PTPRN2: variants seen among roughly 807,000 people sequenced by gnomAD.
PTPRN2 encodes protein tyrosine phosphatase receptor type N2.
A neutral mutation model predicts 118.8 loss-of-function variants in PTPRN2; 74 were observed. The observed-to-expected ratio is 0.62, with a 90% CI of 0.52 to 0.76. The LOEUF (loss-of-function observed/expected upper bound fraction) is 0.76, where lower values mean the gene tolerates loss of function less well. PTPRN2 is among the 30% of genes least tolerant of loss of function. PTPRN2 has a pLI of 0.00. For synonymous variants in PTPRN2, 641 were observed against 608.0 expected, an observed-to-expected ratio of 1.05 and a Z score of -0.80; for missense variants, 1,481 against 1,394.4, an observed-to-expected ratio of 1.06 and a Z score of -0.99.
intron 12 of PTPRN2, among the ~76,000 whole-genome samples, chr7:157,766,805 G>A (rs1035726830): frequency 2.0e-5 from 3 of 152,202 alleles, no homozygotes; most frequent in Non-Finnish European, 4.4e-5. Context: ...TTTGCAGGTG[G>A]CTCTCGAAAC....
intron 14 of PTPRN2, among the ~76,000 whole-genome samples, chr7:157,623,094 A>T (rs1803365656): frequency 6.6e-6 from 1 of 152,252 alleles, no homozygotes; most frequent in African/African-American, 2.4e-5. Flanking sequence ...CAAATGGCTC[A>T]ATCTAGGAAA....
At chr7:158,328,140 C>G (rs1019603199) in intron 2 of PTPRN2, among the ~76,000 whole-genome samples, 3 of 152,156 alleles carry the variant, frequency 2.0e-5, no homozygotes, top group Non-Finnish European at 2.9e-5. Flanking sequence ...TAAAAGTGCT[C>G]CCATTCTCAG....
At chr7:157,655,533 T>C (rs1806013127) in intron 14 of PTPRN2, among the ~76,000 whole-genome samples, 1 of 152,168 alleles carries the variant, frequency 6.6e-6, no homozygotes, top group Non-Finnish European at 1.5e-5. Flanking sequence ...TCCTGCAACC[T>C]GGGAACTTAA....
chr7:158,309,656 C>T (rs1801552914), intron 3 of PTPRN2, among the ~76,000 whole-genome samples: 1 of 152,080 alleles, frequency 6.6e-6, no homozygotes, highest in African/African-American at 2.4e-5. Context: ...CTCAACGAAA[C>T]ACTAAGATAC....
In PTPRN2 at chr7:158,110,924, G is replaced by A. The variant is rs771589012; in HGVS notation, c.1557-9C>T. ...CCTCGGGGCGCAGGGGGCTGCGGAT[G>A]ACAGCAGGGATGGGGAGCAGTCACC... On this transcript the variant is annotated splice_polypyrimidine_tract_variant and intron_variant, in intron 9 of 22. Coordinates refer to ENST00000389418, the MANE Select transcript of PTPRN2 (RefSeq NM_002847.5). The A allele has an allele frequency of 3.2e-6, 5 of 1,551,712 alleles. No individual in the cohort carries two copies. In the South Asian group the frequency reaches 5.9e-5, roughly 18 times the overall value.
intron 11 of PTPRN2, among the ~76,000 whole-genome samples, chr7:158,008,521 T>G (rs1805824413): frequency 6.6e-6 from 1 of 152,234 alleles, no homozygotes; most frequent in African/African-American, 2.4e-5. Context: ...TTTCTCACTA[T>G]CAAAGAGCAG....
chr7:157,827,638 C>T (rs1807272110), intron 12 of PTPRN2, among the ~76,000 whole-genome samples: 1 of 152,252 alleles, frequency 6.6e-6, no homozygotes, highest in African/African-American at 2.4e-5. Flanking sequence ...AAGGACCCCT[C>T]CGGCATTTGG....
At chr7:157,649,959 T>C (rs1037270787) in intron 14 of PTPRN2, among the ~76,000 whole-genome samples, 218 of 73,332 alleles carry the variant, frequency 3.0e-3, no homozygotes, top group Middle Eastern at 0.012. Context: ...CTCGGTGGGT[T>C]GGACCCATCC....
rs368882143 is a variant in PTPRN2 at position 158,514,172 on chromosome 7, C to T, written c.113-24387G>A. 3.3e-5 allele frequency among the ~76,000 whole-genome samples: 5 copies of T among 152,204 alleles called. No individual in the cohort carries two copies. In the East Asian group the frequency reaches 9.6e-4, roughly 29 times the overall value. On this transcript the variant is annotated intron_variant, in intron 1 of 22. Transcript: ENST00000389418. ...GATTATTCAGGGGGCCCTAATCTTTCTCTTCTGTCTGCTGAGGATGGTCTT... is the reference window on the plus strand; with the variant it reads ...GATTATTCAGGGGGCCCTAATCTTTTTCTTCTGTCTGCTGAGGATGGTCTT...
At chr7:157,832,781 G>A (rs12154443) in intron 12 of PTPRN2, among the ~76,000 whole-genome samples, 14 of 152,100 alleles carry the variant, frequency 9.2e-5, no homozygotes, top group Admixed American at 5.9e-4. Context: ...AAATATTTCA[G>A]TATATGGAGC....
rs558264544 is a variant in PTPRN2 at position 158,017,189 on chromosome 7, C to A, written c.1723+64109G>T. 2.6e-4 allele frequency among the ~76,000 whole-genome samples: 39 copies of A among 152,360 alleles called. No individual in the cohort carries two copies. In the East Asian group the frequency reaches 5.2e-3, roughly 20 times the overall value. On this transcript the variant is annotated intron_variant, in intron 11 of 22. Transcript: ENST00000389418. ...GTGCATTTGCAAATGAACGCCAGCA[C>A]ATGCTGACAAGAGTGGCTCAAAATG...
At chr7:158,156,074 G>A (rs1027612554) in intron 6 of PTPRN2, among the ~76,000 whole-genome samples, 12 of 152,076 alleles carry the variant, frequency 7.9e-5, no homozygotes, top group Non-Finnish European at 1.5e-4. Context: ...AATATGAGGG[G>A]GTAAGGAATC....
chr7:158,528,331 C>G (rs1182100135), intron 1 of PTPRN2, among the ~76,000 whole-genome samples: 2 of 152,142 alleles, frequency 1.3e-5, no homozygotes, highest in Non-Finnish European at 2.9e-5. Flanking sequence ...GGTATGAACG[C>G]CAGGTGACGT....
chr7:157,568,866 C>T, intron 21 of PTPRN2, 36 bp downstream of exon 21: 1 of 1,527,100 alleles, frequency 6.5e-7, no homozygotes, highest in Non-Finnish European at 9.1e-7. Flanking sequence ...CATCCCAGCT[C>T]TGAGCCGCAA....
chr7:157,989,723 C>T (rs1234207264), intron 11 of PTPRN2, among the ~76,000 whole-genome samples: 3 of 152,204 alleles, frequency 2.0e-5, no homozygotes, highest in South Asian at 2.1e-4. Context: ...CCTGACGGGC[C>T]GGAATGACAC....
chr7:157,826,858 C>T (rs146146813), intron 12 of PTPRN2, among the ~76,000 whole-genome samples: 69 of 152,232 alleles, frequency 4.5e-4, no homozygotes, highest in African/African-American at 1.4e-3. Flanking sequence ...CCAGGAAAGG[C>T]GCCCATATAT....
intron 5 of PTPRN2, among the ~76,000 whole-genome samples, chr7:158,185,162 T>G (rs765631770): frequency 2.0e-5 from 3 of 152,246 alleles, no homozygotes; most frequent in Non-Finnish European, 2.9e-5. Context: ...TTAGAATTTT[T>G]GTTTCTATAT....
At chr7:158,477,691 T>C (rs1035820486) in intron 2 of PTPRN2, among the ~76,000 whole-genome samples, 15 of 152,220 alleles carry the variant, frequency 9.9e-5, no homozygotes, top group African/African-American at 3.4e-4. Context: ...AAAAACTCTT[T>C]GACACCCCAA....
At chr7:157,778,492 A>T (rs145767437) in intron 12 of PTPRN2, among the ~76,000 whole-genome samples, 2 of 151,312 alleles carry the variant, frequency 1.3e-5, no homozygotes, top group Non-Finnish European at 2.9e-5. Flanking sequence ...GTAAACATGT[A>T]CACGTGAATA....
Sources: gnomAD v4.1 joint callset for allele counts (sites outside exome capture counted in the v4.1 genomes callset) on GRCh38, gnomAD v4.1.1 for gene constraint, MANE v1.5 for transcripts, NCBI Gene and HGNC (gene_info 2026-07-23, HGNC 2026-07-21) for gene names.